The following CSMD2 variants were observed in gnomAD, a reference collection of about 807,000 sequenced individuals.
The protein encoded by CSMD2 is CUB and Sushi multiple domains 2.
A neutral mutation model predicts 398.5 loss-of-function variants in CSMD2; 130 were observed. That is an observed-to-expected ratio of 0.33 (90% CI 0.28 to 0.38). The LOEUF (loss-of-function observed/expected upper bound fraction) is 0.38, where lower values mean the gene tolerates loss of function less well. Ranked by LOEUF, CSMD2 falls within the 10% of genes least tolerant of loss-of-function variation. CSMD2 has a pLI of 1.00. For missense variants in CSMD2, 3,829 were observed against 4,764.9 expected (o/e 0.80, Z 5.78); for synonymous variants, 1,828 against 1,908.5 (o/e 0.96, Z 1.10).
At chr1:33,544,385 G>A (rs1557510998) in intron 57 of CSMD2, among the ~76,000 whole-genome samples, 1 of 151,514 alleles carries the variant, frequency 6.6e-6, no homozygotes, top group Non-Finnish European at 1.5e-5. Context: ...CCAAAGTGCT[G>A]GGATTACAGG....
At chr1:33,657,388 C>T (rs900511077) in intron 27 of CSMD2, among the ~76,000 whole-genome samples, 2 of 152,158 alleles carry the variant, frequency 1.3e-5, no homozygotes, top group South Asian at 4.1e-4. Context: ...GTAGGAGTAT[C>T]ACTTGAGCTC....
chr1:33,571,674 C>T lies in CSMD2; in HGVS notation c.7815G>A (p.Arg2605=). 6.3e-7 allele frequency: 1 copy of T among 1,577,206 alleles called. No individual in the cohort carries two copies. Among genetic ancestry groups the T allele is most frequent in the Non-Finnish European group, 8.7e-7 (1 of 1,155,680 alleles). The change falls in exon 51 of 71, where the codon AGG becomes AGA. Residue 2605 remains arginine (R), a synonymous_variant. Transcript: ENST00000373381. The stretch of plus-strand genomic sequence containing the variant: ...ACTGATACTGTGTCTCAAAGATAAG[C>T]CTCCATCGGCCATGCTCCACGCTGA... ...SSISVEHGRW[R]LIFETQYQFQ... is the part of the protein sequence containing the mutation.
intron 5 of CSMD2, among the ~76,000 whole-genome samples, chr1:33,871,603 T>C (rs868155164): frequency 3.9e-5 from 6 of 152,148 alleles, no homozygotes; most frequent in African/African-American, 1.2e-4. Flanking sequence ...TTGATGTGCC[T>C]GCTCAGGTCT....
chr1:33,944,035 C>T (rs1644763155), intron 3 of CSMD2, among the ~76,000 whole-genome samples: 1 of 151,850 alleles, frequency 6.6e-6, no homozygotes, highest in Non-Finnish European at 1.5e-5. Context: ...TTTGGCCTTG[C>T]AGGCTATATG....
At chr1:33,523,272 G>T in intron 67 of CSMD2, 35 bp downstream of exon 67, 1 of 990,316 alleles carries the variant, frequency 1.0e-6, no homozygotes, top group Non-Finnish European at 1.6e-6. Flanking sequence ...CAGTGATCTG[G>T]GAGTCAGGGG....
At chr1:33,610,869 T>TG (rs1384401511) in intron 41 of CSMD2, among the ~76,000 whole-genome samples, 172 bp downstream of exon 41, 1 of 151,988 alleles carries the variant, frequency 6.6e-6, no homozygotes, top group African/African-American at 2.4e-5. Flanking sequence ...AGCTGACAAA[T>TG]GGGGTCCGGA....
chr1:34,126,660 G>A (rs1240492309), intron 1 of CSMD2, among the ~76,000 whole-genome samples: 2 of 152,196 alleles, frequency 1.3e-5, no homozygotes, highest in Non-Finnish European at 2.9e-5. Flanking sequence ...GGGGAGGGCT[G>A]GGAGACACTG....
chr1:34,121,392 G>A (rs1167924237), intron 1 of CSMD2, among the ~76,000 whole-genome samples: 2 of 152,148 alleles, frequency 1.3e-5, no homozygotes, highest in African/African-American at 4.8e-5. Flanking sequence ...AAAAGATGGA[G>A]GCTATGACCA....
intron 6 of CSMD2, among the ~76,000 whole-genome samples, chr1:33,840,518 T>A (rs1446465960): frequency 6.6e-6 from 1 of 152,212 alleles, no homozygotes; most frequent in East Asian, 1.9e-4. Context: ...TGTTGCCCCA[T>A]GAGCTTGTGC....
chr1:33,893,067 A>T (rs1195757196), intron 5 of CSMD2, among the ~76,000 whole-genome samples: 1 of 152,248 alleles, frequency 6.6e-6, no homozygotes, highest in Admixed American at 6.5e-5. Flanking sequence ...ATGCTTGATT[A>T]TGACTGTGAA....
chr1:34,053,896 T>C (rs1490635508), intron 2 of CSMD2, among the ~76,000 whole-genome samples: 1 of 152,150 alleles, frequency 6.6e-6, no homozygotes, highest in African/African-American at 2.4e-5. Flanking sequence ...TACACAGTTG[T>C]CAACTGGGAA....
intron 13 of CSMD2, among the ~76,000 whole-genome samples, chr1:33,746,995 T>C (rs558294787): frequency 2.0e-5 from 3 of 152,164 alleles, no homozygotes; most frequent in Non-Finnish European, 4.4e-5. Flanking sequence ...CCCTAGATAA[T>C]TTACAGTGGA....
At chr1:33,584,665 C>A (rs926338649) in intron 46 of CSMD2, among the ~76,000 whole-genome samples, 14 of 148,266 alleles carry the variant, frequency 9.4e-5, no homozygotes, top group Non-Finnish European at 2.1e-4. Context: ...GACTCCATCT[C>A]AAAAAAAATA....
intron 44 of CSMD2, among the ~76,000 whole-genome samples, chr1:33,590,595 T>TCACACACACACACACACACA (rs10611040): frequency 7.3e-4 from 100 of 137,724 alleles, no homozygotes; most frequent in African/African-American, 2.6e-3. Flanking sequence ...CTATTTCCCA[T>TCACACACACACACACACACA]CACACACACA....
chr1:33,862,341 C>CTGTGTGTGTGTGTGTGTGTG, intron 5 of CSMD2: 2 of 60,720 alleles, frequency 3.3e-5, no homozygotes, highest in Admixed American at 1.9e-4. Context: ...AGATAAGCTA[C>CTGTGTGTGTGTGTGTGTGTG]TCTGTGTGTG....
chr1:34,104,024 A>ATG, intron 1 of CSMD2, among the ~76,000 whole-genome samples: 1 of 152,282 alleles, frequency 6.6e-6, no homozygotes, highest in East Asian at 1.9e-4. Flanking sequence ...GTACAGATTA[A>ATG]TGTGATATCT....
At position 33,518,027 on chromosome 1, in the gene CSMD2, C is replaced by G. The variant is rs998220847; in HGVS notation, c.*53+1438G>C. Among the ~76,000 whole-genome samples the G allele has an allele frequency of 4.6e-5, 7 of 152,234 alleles. No individual in the cohort carries two copies. Among genetic ancestry groups the G allele is most frequent in the Non-Finnish European group, 8.8e-5 (6 of 68,044 alleles). On this transcript the variant is annotated intron_variant, in intron 70 of 70. Transcript: ENST00000373381. The surrounding 1 kb of genome is among the most constrained non-coding windows in gnomAD (Gnocchi z 4.3). ...CCACGTGAGCGGCCATGCACAGGAG[C>G]GTGGGGAGGGAGCGCAACACTAGCC...
chr1:33,749,690 G>A (rs569660425), intron 13 of CSMD2, among the ~76,000 whole-genome samples: 2 of 152,256 alleles, frequency 1.3e-5, no homozygotes, highest in East Asian at 3.9e-4. Flanking sequence ...GGGATAGGAG[G>A]CTATAATAAC....
intron 47 of CSMD2, among the ~76,000 whole-genome samples, chr1:33,583,307 G>A (rs1638856696): frequency 6.6e-6 from 1 of 152,220 alleles, no homozygotes; most frequent in South Asian, 2.1e-4. Context: ...GCAGCACAAT[G>A]TTTGGTAGAT....
Sources: allele counts gnomAD v4.1 joint callset (sites outside exome capture counted in the v4.1 genomes callset), GRCh38; gene constraint gnomAD v4.1.1; non-coding constraint Gnocchi (gnomAD v3.1); transcripts MANE v1.5; gene names NCBI Gene and HGNC (gene_info 2026-07-23, HGNC 2026-07-21).